PBLD: variants seen among roughly 807,000 people sequenced by gnomAD.
PBLD encodes phenazine biosynthesis like protein domain containing.
A neutral mutation model predicts 31.3 loss-of-function variants in PBLD; 26 were observed. The observed-to-expected ratio is 0.83, with a 90% CI of 0.61 to 1.15. The LOEUF (loss-of-function observed/expected upper bound fraction) is 1.15, where lower values mean the gene tolerates loss of function less well. Ranked by LOEUF, PBLD falls within the 50% of genes most tolerant of loss-of-function variation. PBLD has a pLI of 0.00. For missense variants in PBLD, 307 were observed against 351.7 expected (o/e 0.87, Z 1.02); for synonymous variants, 114 against 129.0 (o/e 0.88, Z 0.79).
rs945312481 is a variant in PBLD at position 68,306,172 on chromosome 10, T to G, written c.84+589A>C. 3.3e-5 allele frequency among the ~76,000 whole-genome samples: 5 copies of G among 151,024 alleles called. No individual in the cohort carries two copies. The East Asian group carries it at 9.9e-4, about 30-fold the overall frequency. On this transcript the variant is annotated intron_variant, in intron 2 of 9. Transcript: ENST00000358769. Reference sequence around the variant, plus strand: ...ATCTATTTAACTATTAATATTTAACTATTCCATTAATATTTAACTATTCCA... The same window carrying G: ...ATCTATTTAACTATTAATATTTAACGATTCCATTAATATTTAACTATTCCA...
intron 1 of PBLD, among the ~76,000 whole-genome samples, chr10:68,307,930 TA>T (rs986160900): frequency 6.6e-6 from 1 of 152,230 alleles, no homozygotes; most frequent in Non-Finnish European, 1.5e-5. Context: ...ATGCTCATTA[TA>T]AAAAACTTGG....
intron 2 of PBLD, among the ~76,000 whole-genome samples, chr10:68,303,168 G>A (rs1026595428): frequency 3.7e-4 from 56 of 151,900 alleles, no homozygotes; most frequent in Non-Finnish European, 6.9e-4. Context: ...CTGCCTCCCA[G>A]GTTCAAGCAA....
At chr10:68,303,851 C>T (rs2044541489) in intron 2 of PBLD, among the ~76,000 whole-genome samples, 1 of 152,028 alleles carries the variant, frequency 6.6e-6, no homozygotes, top group South Asian at 2.1e-4. Flanking sequence ...AAGCCCTGCA[C>T]TTAAAATCTG....
chr10:68,302,294 A>C (rs1194782899), intron 2 of PBLD, among the ~76,000 whole-genome samples: 1 of 152,214 alleles, frequency 6.6e-6, no homozygotes, highest in Non-Finnish European at 1.5e-5. Context: ...TCTGAATTCC[A>C]GTGTACTGCT....
intron 1 of PBLD, among the ~76,000 whole-genome samples, chr10:68,318,300 G>A (rs1188091314): frequency 1.3e-5 from 2 of 149,512 alleles, no homozygotes; most frequent in Non-Finnish European, 3.0e-5. Context: ...AGCCCTTTGG[G>A]AGGAAGGTGA....
chr10:68,311,582 T>G (rs1251531008), intron 1 of PBLD, among the ~76,000 whole-genome samples: 1 of 146,180 alleles, frequency 6.8e-6, no homozygotes, highest in African/African-American at 2.5e-5. Context: ...TGAGACACTG[T>G]GTCAAAAAAA....
At chr10:68,331,804 A>G (rs1205170838) in intron 1 of PBLD, 3 of 152,362 alleles carry the variant, frequency 2.0e-5, no homozygotes, top group African/African-American at 7.2e-5. Context: ...CCGAGGCGGC[A>G]GAATGGTACG....
At chr10:68,289,241 A>T (rs917440709) in intron 6 of PBLD, among the ~76,000 whole-genome samples, 15 of 152,074 alleles carry the variant, frequency 9.9e-5, no homozygotes, top group African/African-American at 3.1e-4. Flanking sequence ...CAAAACAGGC[A>T]TTGTGGCCAG....
chr10:68,319,059 GAAAGAA>G (rs1564737405), intron 1 of PBLD, among the ~76,000 whole-genome samples: 2 of 92,820 alleles, frequency 2.2e-5, no homozygotes, highest in Non-Finnish European at 4.1e-5. Flanking sequence ...GAGAGAGAAA[GAAAGAA>G]AGAAAGAAAG....
intron 1 of PBLD, chr10:68,332,223 G>C (rs2045164907): frequency 6.6e-6 from 1 of 152,352 alleles, no homozygotes; most frequent in Non-Finnish European, 1.5e-5. Flanking sequence ...CAGGGTATCT[G>C]AAGTAAAAGG....
intron 2 of PBLD, among the ~76,000 whole-genome samples, chr10:68,306,418 T>C (rs1193029581): frequency 6.6e-6 from 1 of 152,214 alleles, no homozygotes; most frequent in East Asian, 1.9e-4. Context: ...AAATTGGCTA[T>C]GTCTAGTCAC....
At chr10:68,302,867 T>A (rs12573181) in intron 2 of PBLD, among the ~76,000 whole-genome samples, 66,887 of 124,712 alleles carry the variant, frequency 0.54, 15,800 homozygotes, top group Non-Finnish European at 0.56. Flanking sequence ...AATTAGAATT[T>A]AAAAAAAAAA....
chr10:68,311,879 G>T (rs1344550872), intron 1 of PBLD, among the ~76,000 whole-genome samples: 2 of 152,162 alleles, frequency 1.3e-5, no homozygotes, highest in Admixed American at 6.5e-5. Context: ...CCATAATCGT[G>T]TGGCTGGCTG....
At chr10:68,301,194 C>T (rs1199475603) in intron 2 of PBLD, among the ~76,000 whole-genome samples, 1 of 152,152 alleles carries the variant, frequency 6.6e-6, no homozygotes, top group Non-Finnish European at 1.5e-5. Context: ...CCGCACCCGC[C>T]CATTCTCTTG....
At chr10:68,296,445 T>C in intron 3 of PBLD, 81 bp from the exon 4 acceptor site, 1 of 1,060,998 alleles carries the variant, frequency 9.4e-7, no homozygotes, top group South Asian at 1.4e-5. Flanking sequence ...TTCTTTCCTA[T>C]ATAGTTCTCT....
In PBLD at chr10:68,288,640, T is replaced by G; in HGVS notation, c.534A>C (p.Lys178Asn). The G allele has an allele frequency of 6.2e-7, 1 of 1,614,018 alleles. No homozygotes were observed. Among genetic ancestry groups the G allele is most frequent in the Non-Finnish European group, 8.5e-7 (1 of 1,180,008 alleles). Reference protein sequence around the residue: ...VYNRSFLENLKVNTENLLQVE... With the variant: ...VYNRSFLENLNVNTENLLQVE... ...CTTGCAGCAGATTCTCCGTGTTCAC[T>G]TTCAGGTTCTCCAGAAACGACCTTG... is the stretch of plus-strand genomic sequence containing the variant. The change falls in exon 8 of 10, where the codon AAA (lysine) becomes AAC (asparagine). Residue 178 changes from lysine (K) to asparagine (N), a missense_variant. Physicochemically the swap from Lys to Asn is moderately conservative, Grantham distance 94 (BLOSUM62 0). Transcript: ENST00000358769.
At chr10:68,307,491 T>C (rs1362620226) in intron 1 of PBLD, among the ~76,000 whole-genome samples, 1 of 151,808 alleles carries the variant, frequency 6.6e-6, no homozygotes, top group Non-Finnish European at 1.5e-5. Context: ...AGGATCTGTT[T>C]TTTGTTTTGT....
rs1055170835 is a variant in PBLD at position 68,323,666 on chromosome 10, G to A, written c.-60+9118C>T. 3.3e-5 allele frequency among the ~76,000 whole-genome samples: 5 copies of A among 152,194 alleles called. No homozygotes were observed. In the South Asian group the frequency reaches 6.2e-4, roughly 19 times the overall value. On this transcript the variant is annotated intron_variant, in intron 1 of 9. Coordinates refer to ENST00000358769, the MANE Select transcript of PBLD (RefSeq NM_022129.4). ...TAATAAAAGTTTGTTGTTTTAAGCT[G>A]TTAAGTTTTGGAGCAATTTGTTACA... is the stretch of plus-strand genomic sequence containing the variant.
chr10:68,299,134 C>A (rs1287677636), intron 2 of PBLD, among the ~76,000 whole-genome samples: 5 of 141,408 alleles, frequency 3.5e-5, no homozygotes, highest in Non-Finnish European at 6.1e-5. Flanking sequence ...AAAAAGTGGA[C>A]CCGAAGTATG....
Sources: allele counts gnomAD v4.1 joint callset (sites outside exome capture counted in the v4.1 genomes callset), GRCh38; gene constraint gnomAD v4.1.1; transcripts MANE v1.5; gene names NCBI Gene and HGNC (gene_info 2026-07-23, HGNC 2026-07-21).